Variants in PTPRT observed in about 807,000 individuals in gnomAD.
PTPRT encodes protein tyrosine phosphatase receptor type T, also known as receptor-type tyrosine-protein phosphatase T.
In PTPRT, 56 loss-of-function variants were observed where a neutral mutation model predicts 176.8. The ratio of observed to expected loss-of-function variants is 0.32; its 90% confidence interval spans 0.26 to 0.40. The LOEUF (loss-of-function observed/expected upper bound fraction) is 0.40, where lower values mean the gene tolerates loss of function less well. Ranked by LOEUF, PTPRT falls within the 10% of genes least tolerant of loss-of-function variation. PTPRT has a pLI of 1.00. For missense variants in PTPRT, 1,540 were observed against 1,908.2 expected, an observed-to-expected ratio of 0.81 and a Z score of 3.60; for synonymous variants, 783 against 739.0, an observed-to-expected ratio of 1.06 and a Z score of -0.96.
chr20:42,128,900 A>T, intron 18 of PTPRT, 70 bp from the exon 19 acceptor site: 1 of 1,312,162 alleles, frequency 7.6e-7, no homozygotes, highest in South Asian at 1.5e-5. Context: ...CTCCTTTAGA[A>T]CTACTGTTTA....
At chr20:43,123,065 G>T (rs977616528) in intron 1 of PTPRT, among the ~76,000 whole-genome samples, 1 of 152,092 alleles carries the variant, frequency 6.6e-6, no homozygotes, top group African/African-American at 2.4e-5. Context: ...TGTTGGTCAG[G>T]CTGGTCACAA....
chr20:42,791,155 T>C (rs373748360), intron 3 of PTPRT, 40 bp downstream of exon 3: 1 of 1,533,760 alleles, frequency 6.5e-7, no homozygotes, highest in Non-Finnish European at 8.8e-7. Context: ...ATAGATTTAT[T>C]ACAAATTTTC....
chr20:42,107,881 C>CAACA (rs1035624429), intron 23 of PTPRT, among the ~76,000 whole-genome samples: 8 of 152,212 alleles, frequency 5.3e-5, no homozygotes, highest in African/African-American at 1.7e-4. Context: ...CCACTACCTA[C>CAACA]AACAATTTGG....
At chr20:42,608,360 G>A (rs1164964962) in intron 7 of PTPRT, among the ~76,000 whole-genome samples, 4 of 152,164 alleles carry the variant, frequency 2.6e-5, no homozygotes, top group Admixed American at 6.5e-5. Flanking sequence ...AGAACGTGAT[G>A]TAAATACCCG....
chr20:42,152,852 T>C (rs1004721494), intron 17 of PTPRT, among the ~76,000 whole-genome samples: 1 of 152,226 alleles, frequency 6.6e-6, no homozygotes, highest in Admixed American at 6.5e-5. Flanking sequence ...AAGAAAACTG[T>C]GCAACGGGTG....
At chr20:42,142,346 T>TA (rs1309447247) in intron 17 of PTPRT, among the ~76,000 whole-genome samples, 1 of 152,160 alleles carries the variant, frequency 6.6e-6, no homozygotes, top group Non-Finnish European at 1.5e-5. Flanking sequence ...ACTAGGGATA[T>TA]AGAGAAACAG....
chr20:42,439,535 G>C (rs1055850513), intron 9 of PTPRT, among the ~76,000 whole-genome samples: 2 of 152,222 alleles, frequency 1.3e-5, no homozygotes, highest in African/African-American at 4.8e-5. Context: ...AACTGCCTGT[G>C]TATGAGTGAG....
intron 1 of PTPRT, among the ~76,000 whole-genome samples, chr20:43,081,658 A>G (rs1007328450): frequency 1.3e-5 from 2 of 152,198 alleles, no homozygotes; most frequent in Non-Finnish European, 2.9e-5. Context: ...CTCAGAGAAT[A>G]TGGTCTGAAT....
the PTPRT span, among the ~76,000 whole-genome samples, chr20:42,062,845 A>C: frequency 6.8e-4 from 103 of 152,330 alleles, no homozygotes; most frequent in African/African-American, 2.4e-3. Context: ...ACTGGAAAGA[A>C]ATGCATAGCC....
At chr20:43,074,079 T>C (rs1448814556) in intron 1 of PTPRT, among the ~76,000 whole-genome samples, 1 of 152,046 alleles carries the variant, frequency 6.6e-6, no homozygotes. Flanking sequence ...TACAAACATA[T>C]AGTATCTCTG....
In PTPRT at chr20:42,930,062, T is replaced by C. The variant is rs535625360; in HGVS notation, c.89-44130A>G. 1.1e-4 allele frequency among the ~76,000 whole-genome samples: 16 copies of C among 152,236 alleles called. 1 individual carries two copies. The highest frequency in any genetic ancestry group is 1.0e-3 in the Admixed American group (16 of 15,294). On this transcript the variant is annotated intron_variant, in intron 1 of 30. Coordinates refer to ENST00000373187, the MANE Select transcript of PTPRT (RefSeq NM_007050.6). ...GCTTGGTTCCCATCCAAGAAAGCAGTCATCTGGGAAAAGTTTAAGCATAAT... is the reference window on the plus strand; with the variant it reads ...GCTTGGTTCCCATCCAAGAAAGCAGCCATCTGGGAAAAGTTTAAGCATAAT...
chr20:42,644,428 T>C (rs2074839656), intron 7 of PTPRT, among the ~76,000 whole-genome samples: 1 of 152,158 alleles, frequency 6.6e-6, no homozygotes, highest in South Asian at 2.1e-4. Flanking sequence ...GATCTTCATG[T>C]TTCCAAAGCA....
chr20:42,903,386 T>G (rs75384248), intron 1 of PTPRT, among the ~76,000 whole-genome samples: 203 of 152,342 alleles, frequency 1.3e-3, no homozygotes, highest in African/African-American at 4.7e-3. Flanking sequence ...CCAAGGAACA[T>G]TTAGGACTGG....
chr20:42,905,400 T>TA (rs1284600854), intron 1 of PTPRT, among the ~76,000 whole-genome samples: 1 of 152,132 alleles, frequency 6.6e-6, no homozygotes, highest in Non-Finnish European at 1.5e-5. Flanking sequence ...TGGCCATCAT[T>TA]AAAAAGTCGG....
chr20:42,925,128 A>G (rs1263063226), intron 1 of PTPRT, among the ~76,000 whole-genome samples: 1 of 152,240 alleles, frequency 6.6e-6, no homozygotes, highest in Non-Finnish European at 1.5e-5. Context: ...CTTTGCAGAA[A>G]TGCTGGCTTT....
chr20:42,111,532 T>C (rs1271236696), intron 22 of PTPRT, among the ~76,000 whole-genome samples: 1 of 152,214 alleles, frequency 6.6e-6, no homozygotes, highest in East Asian at 1.9e-4. Context: ...GAAGGCTTTC[T>C]GGAGGAGGTG....
At chr20:43,131,131 C>T (rs2013634962) in intron 1 of PTPRT, among the ~76,000 whole-genome samples, 1 of 152,260 alleles carries the variant, frequency 6.6e-6, no homozygotes, top group Non-Finnish European at 1.5e-5. Flanking sequence ...CTAACAAGTA[C>T]TCCCAAGTAT....
At chr20:42,596,609 C>G (rs1381098068) in intron 7 of PTPRT, among the ~76,000 whole-genome samples, 2 of 152,238 alleles carry the variant, frequency 1.3e-5, no homozygotes, top group African/African-American at 2.4e-5. Context: ...ATTTCTGACT[C>G]TCTCCTGGCT....
intron 15 of PTPRT, among the ~76,000 whole-genome samples, chr20:42,219,777 G>C (rs568619493): frequency 1.3e-5 from 2 of 152,316 alleles, no homozygotes; most frequent in East Asian, 3.9e-4. Context: ...ACCCGGGGCT[G>C]CCTGAGGCCA....
Sources: gnomAD v4.1 joint callset for allele counts (sites outside exome capture counted in the v4.1 genomes callset) on GRCh38, gnomAD v4.1.1 for gene constraint, MANE v1.5 for transcripts, NCBI Gene and HGNC (gene_info 2026-07-23, HGNC 2026-07-21) for gene names.